The following LHFPL3 variants were observed in gnomAD, a reference collection of about 807,000 sequenced individuals.
LHFPL3 encodes the protein LHFPL tetraspan subfamily member 3, also known as LHFPL tetraspan subfamily member 3 protein.
Under a neutral mutation model 19.3 loss-of-function variants are expected in LHFPL3, and 5 were observed. The observed-to-expected ratio is 0.26, with a 90% CI of 0.14 to 0.54. LHFPL3 has a LOEUF of 0.54. Among genes scored for constraint, LHFPL3 ranks in the 20% least tolerant of loss-of-function variants. LHFPL3 has a pLI of 0.94. For missense variants in LHFPL3, 249 were observed against 307.4 expected, an observed-to-expected ratio of 0.81 and a Z score of 1.42; for synonymous variants, 133 against 126.2, an observed-to-expected ratio of 1.05 and a Z score of -0.36.
chr7:104,622,528 A>G (rs117265560), intron 1 of LHFPL3, among the ~76,000 whole-genome samples: 3,648 of 152,322 alleles, frequency 0.024, 90 homozygotes, highest in Non-Finnish European at 0.039. Flanking sequence ...TTGTACAATC[A>G]CCACTACAAT....
intron 2 of LHFPL3, among the ~76,000 whole-genome samples, chr7:104,770,898 G>A (rs76548316): frequency 3.3e-5 from 5 of 152,218 alleles, no homozygotes; most frequent in East Asian, 1.9e-4. Flanking sequence ...GTGCCCCACC[G>A]CATGCCCGTC....
intron 1 of LHFPL3, among the ~76,000 whole-genome samples, chr7:104,511,216 A>G (rs1793807181): frequency 6.6e-6 from 1 of 152,218 alleles, no homozygotes; most frequent in South Asian, 2.1e-4. Flanking sequence ...GAAAATGTTC[A>G]ATGTCATAAG....
chr7:104,375,394 T>G (rs2116440769), intron 1 of LHFPL3, among the ~76,000 whole-genome samples: 2 of 152,076 alleles, frequency 1.3e-5, no homozygotes, highest in Middle Eastern at 6.8e-3. Context: ...ATGAAAACAA[T>G]AAACATTTAA....
intron 1 of LHFPL3, among the ~76,000 whole-genome samples, chr7:104,629,097 T>A (rs1174097775): frequency 6.6e-6 from 1 of 152,214 alleles, no homozygotes; most frequent in Non-Finnish European, 1.5e-5. Flanking sequence ...TATGACTATT[T>A]AAGAAACCAA....
intron 2 of LHFPL3, among the ~76,000 whole-genome samples, chr7:104,830,748 G>C (rs1185447932): frequency 6.6e-6 from 1 of 151,844 alleles, no homozygotes; most frequent in Non-Finnish European, 1.5e-5. Flanking sequence ...TTGTAGTATA[G>C]TTTGAAGTCA....
intron 1 of LHFPL3, among the ~76,000 whole-genome samples, chr7:104,397,453 C>G (rs1240975969): frequency 1.3e-5 from 2 of 152,132 alleles, no homozygotes; most frequent in African/African-American, 4.8e-5. Context: ...ACCTAAGACC[C>G]TTCAGATATT....
At chr7:104,340,393 T>G (rs983392302) in intron 1 of LHFPL3, among the ~76,000 whole-genome samples, 1 of 152,162 alleles carries the variant, frequency 6.6e-6, no homozygotes, top group African/African-American at 2.4e-5. Flanking sequence ...TAATGAAACT[T>G]TAAATAAAAT....
chr7:104,386,814 A>G (rs1161182560), intron 1 of LHFPL3, among the ~76,000 whole-genome samples: 1 of 152,180 alleles, frequency 6.6e-6, no homozygotes, highest in Non-Finnish European at 1.5e-5. Context: ...GATTATTTCA[A>G]GAAAGCCACT....
chr7:104,737,066 A>C (rs1247904120), intron 2 of LHFPL3, among the ~76,000 whole-genome samples, 155 bp downstream of exon 2: 1 of 152,032 alleles, frequency 6.6e-6, no homozygotes, highest in East Asian at 1.9e-4. Flanking sequence ...CCCAGACTCA[A>C]CTCAAGAAGC....
At chr7:104,501,621 C>G (rs1191384698) in intron 1 of LHFPL3, among the ~76,000 whole-genome samples, 3 of 152,114 alleles carry the variant, frequency 2.0e-5, no homozygotes, top group African/African-American at 7.2e-5. Flanking sequence ...CTGTATTTCC[C>G]AGGCCTTGCT....
intron 2 of LHFPL3, among the ~76,000 whole-genome samples, chr7:104,853,099 T>C (rs1791441632): frequency 6.6e-6 from 1 of 152,178 alleles, no homozygotes; most frequent in Admixed American, 6.5e-5. Context: ...AGTGCTGCAG[T>C]GTGTCTGGTG....
chr7:104,365,883 G>GA, intron 1 of LHFPL3, among the ~76,000 whole-genome samples: 1 of 151,948 alleles, frequency 6.6e-6, no homozygotes, highest in Non-Finnish European at 1.5e-5. Context: ...GAAGGGTAGA[G>GA]AAAAGGTTTG....
intron 1 of LHFPL3, among the ~76,000 whole-genome samples, chr7:104,709,863 C>T (rs796111155): frequency 2.0e-5 from 3 of 150,148 alleles, no homozygotes; most frequent in East Asian, 3.9e-4. Context: ...AGAGGGGCTC[C>T]TCACATCCCA....
intron 1 of LHFPL3, among the ~76,000 whole-genome samples, chr7:104,439,062 C>T (rs988475282): frequency 1.3e-5 from 2 of 152,058 alleles, no homozygotes; most frequent in African/African-American, 2.4e-5. Context: ...CATAAATAGC[C>T]TTATATCCAT....
chr7:104,872,010 T>A (rs982628931), intron 2 of LHFPL3, among the ~76,000 whole-genome samples: 1 of 151,572 alleles, frequency 6.6e-6, no homozygotes, highest in Non-Finnish European at 1.5e-5. Context: ...TCTATTAAAA[T>A]TTTTTTTTCA....
chr7:104,499,732 A>G (rs902520091), intron 1 of LHFPL3, among the ~76,000 whole-genome samples: 9 of 152,194 alleles, frequency 5.9e-5, no homozygotes, highest in Non-Finnish European at 1.3e-4. Flanking sequence ...AAATCATTAA[A>G]CTAATGATCT....
chr7:104,575,266 T>C (rs1475414492), intron 1 of LHFPL3, among the ~76,000 whole-genome samples: 1 of 152,200 alleles, frequency 6.6e-6, no homozygotes, highest in African/African-American at 2.4e-5. Flanking sequence ...AAACTATTGC[T>C]GTTTCCACTG....
At chr7:104,430,491 C>T (rs570286217) in intron 1 of LHFPL3, among the ~76,000 whole-genome samples, 6 of 64,608 alleles carry the variant, frequency 9.3e-5, no homozygotes, top group African/African-American at 1.9e-4. Flanking sequence ...TTTTTTGAGG[C>T]GGAGTCTTGC....
Position 104,450,906 on chromosome 7 carries a change from G to A in LHFPL3, c.445+121682G>A, listed in dbSNP as rs189598258. Reference sequence around the variant, plus strand: ...CCCCATTCTCAGTGAGCTTTTTAGCGCTTTCGCTGTCTCTGAAAAGCCTTC... The same window carrying A: ...CCCCATTCTCAGTGAGCTTTTTAGCACTTTCGCTGTCTCTGAAAAGCCTTC... On this transcript the variant is annotated intron_variant, in intron 1 of 2. Coordinates refer to ENST00000424859, the MANE Select transcript of LHFPL3 (RefSeq NM_199000.3). 1.8e-3 allele frequency among the ~76,000 whole-genome samples: 279 copies of A among 152,220 alleles called. 1 individual carries two copies. The highest frequency in any genetic ancestry group is 6.3e-3 in the African/African-American group (263 of 41,524).
Sources: gnomAD v4.1 joint callset for allele counts (sites outside exome capture counted in the v4.1 genomes callset) on GRCh38, gnomAD v4.1.1 for gene constraint, MANE v1.5 for transcripts, NCBI Gene and HGNC (gene_info 2026-07-23, HGNC 2026-07-21) for gene names.